Variants in ROBO2 observed in about 807,000 individuals in gnomAD.
The protein encoded by ROBO2 is roundabout homolog 2.
A neutral mutation model predicts 160.8 loss-of-function variants in ROBO2; 53 were observed. The observed-to-expected ratio is 0.33, with a 90% CI of 0.26 to 0.41. The LOEUF is 0.41. Ranked by LOEUF, ROBO2 falls within the 10% of genes least tolerant of loss-of-function variation. The pLI is 1.00. For synonymous variants in ROBO2, 664 were observed against 611.7 expected (o/e 1.09, Z -1.26); for missense variants, 1,577 against 1,722.4 (o/e 0.92, Z 1.49).
chr3:77,246,349 G>GTGTC (rs2089726734), intron 2 of ROBO2, among the ~76,000 whole-genome samples: 1 of 151,798 alleles, frequency 6.6e-6, no homozygotes, highest in Non-Finnish European at 1.5e-5. Flanking sequence ...GTGTGTGTGT[G>GTGTC]TGTGTGTGTG....
At chr3:76,337,283 A>G (rs1418678286) in intron 2 of ROBO2, among the ~76,000 whole-genome samples, 1 of 152,204 alleles carries the variant, frequency 6.6e-6, no homozygotes, top group East Asian at 1.9e-4. Flanking sequence ...AGCTCTGTAT[A>G]CACTAGAAAA....
intron 2 of ROBO2, among the ~76,000 whole-genome samples, chr3:76,808,722 G>C (rs769606796): frequency 4.6e-5 from 7 of 152,074 alleles, no homozygotes; most frequent in Non-Finnish European, 7.4e-5. Context: ...GCAGAGAGCA[G>C]TAAATCAATG....
At chr3:76,805,091 T>C (rs2064570128) in intron 2 of ROBO2, among the ~76,000 whole-genome samples, 2 of 152,184 alleles carry the variant, frequency 1.3e-5, no homozygotes, top group African/African-American at 4.8e-5. Flanking sequence ...TCATAGTGTC[T>C]AAAGCATAGT....
intron 2 of ROBO2, among the ~76,000 whole-genome samples, chr3:77,184,355 A>G (rs2081084074): frequency 6.6e-6 from 1 of 152,076 alleles, no homozygotes; most frequent in Non-Finnish European, 1.5e-5. Flanking sequence ...AGATAGAAAG[A>G]TGAATTAGAA....
At chr3:75,921,858 T>C (rs1947070926) in intron 1 of ROBO2, among the ~76,000 whole-genome samples, 1 of 152,168 alleles carries the variant, frequency 6.6e-6, no homozygotes, top group African/African-American at 2.4e-5. Context: ...ATTCAGCTTC[T>C]ACCCTCAATG....
intron 2 of ROBO2, among the ~76,000 whole-genome samples, chr3:76,512,953 A>G (rs915982850): frequency 6.6e-6 from 1 of 152,184 alleles, no homozygotes; most frequent in Admixed American, 6.5e-5. Flanking sequence ...AAACACCGTC[A>G]TCATGAATAT....
chr3:76,764,158 T>G (rs2108415289), intron 2 of ROBO2, among the ~76,000 whole-genome samples: 1 of 151,822 alleles, frequency 6.6e-6, no homozygotes, highest in South Asian at 2.1e-4. Context: ...ATATAGAATC[T>G]AATCTCCCTG....
chr3:77,608,083 C>A (rs564317109), intron 21 of ROBO2, 129 bp downstream of exon 22: 15 of 812,868 alleles, frequency 1.8e-5, no homozygotes, highest in Middle Eastern at 3.4e-4. Flanking sequence ...TTGCATTTCC[C>A]CCTCTTTCAT....
At chr3:76,432,913 G>T (rs2076502090) in intron 2 of ROBO2, among the ~76,000 whole-genome samples, 1 of 151,804 alleles carries the variant, frequency 6.6e-6, no homozygotes, top group Non-Finnish European at 1.5e-5. Context: ...GGGAGAAAAA[G>T]ATGGGAGGAG....
chr3:77,005,438 G>C (rs2061533512), intron 2 of ROBO2, among the ~76,000 whole-genome samples: 1 of 152,094 alleles, frequency 6.6e-6, no homozygotes, highest in Admixed American at 6.6e-5. Context: ...AAAGTAAAAT[G>C]GGCATATGCT....
At chr3:76,112,720 C>T (rs1327479185) in intron 2 of ROBO2, among the ~76,000 whole-genome samples, 1 of 151,968 alleles carries the variant, frequency 6.6e-6, no homozygotes, top group Non-Finnish European at 1.5e-5. Flanking sequence ...AGATCATTCT[C>T]AAATGATTTT....
At chr3:77,425,061 T>C (rs1369716314) in intron 2 of ROBO2, among the ~76,000 whole-genome samples, 1 of 152,142 alleles carries the variant, frequency 6.6e-6, no homozygotes, top group Non-Finnish European at 1.5e-5. Flanking sequence ...CTCTTACCCA[T>C]GGCTAATATT....
At chr3:77,614,269 CAATAGG>C (rs1281286117) in intron 21 of ROBO2, among the ~76,000 whole-genome samples, 1 of 152,080 alleles carries the variant, frequency 6.6e-6, no homozygotes, top group East Asian at 1.9e-4. Flanking sequence ...TATTTTAAAG[CAATAGG>C]ATCTTTTTTC....
At chr3:76,260,902 T>C (rs910429221) in intron 2 of ROBO2, among the ~76,000 whole-genome samples, 3 of 152,062 alleles carry the variant, frequency 2.0e-5, no homozygotes, top group African/African-American at 7.2e-5. Flanking sequence ...ACTATTTTTT[T>C]CCTGTTTCCA....
chr3:76,477,792 T>G (rs1429289672), intron 2 of ROBO2, among the ~76,000 whole-genome samples: 1 of 152,068 alleles, frequency 6.6e-6, no homozygotes, highest in Admixed American at 6.6e-5. Context: ...CTGTTCCTTA[T>G]GTCCTACTAC....
rs2094272648 is a variant in ROBO2, at chr3:77,595,180, G to A, written c.2722G>A (p.Gly908Arg). The stretch of plus-strand genomic sequence containing the variant: ...AGGAGATGGAGGACTAATGAGCAAT[G>A]GAAGGTATGCTACGGAGATTGTTTC... Residue 908 changes from glycine (G) to arginine (R), a missense_variant, in exon 18 of 26, where the codon GGA becomes AGA. Transcript: ENST00000461745. The A allele has an allele frequency of 6.2e-7, 1 of 1,610,060 alleles. No homozygotes were observed. Among genetic ancestry groups the A allele is most frequent in the Non-Finnish European group, 8.5e-7 (1 of 1,176,718 alleles).
chr3:75,967,631 G>A (rs1462737128), intron 2 of ROBO2, among the ~76,000 whole-genome samples: 1 of 151,524 alleles, frequency 6.6e-6, no homozygotes, highest in Non-Finnish European at 1.5e-5. Context: ...TACCCAAGTA[G>A]AAATAATACT....
At chr3:76,929,460 T>C (rs1577568010) in intron 2 of ROBO2, among the ~76,000 whole-genome samples, 1 of 152,136 alleles carries the variant, frequency 6.6e-6, no homozygotes, top group Non-Finnish European at 1.5e-5. Context: ...ATATCCAGAC[T>C]GCAACACTTC....
intron 2 of ROBO2, among the ~76,000 whole-genome samples, chr3:76,884,527 A>T (rs1462299119): frequency 6.6e-6 from 1 of 152,144 alleles, no homozygotes; most frequent in Non-Finnish European, 1.5e-5. Context: ...GGTATGTCAA[A>T]TCAGAATTCA....
Sources: gnomAD v4.1 joint callset for allele counts (sites outside exome capture counted in the v4.1 genomes callset) on GRCh38, gnomAD v4.1.1 for gene constraint, MANE v1.5 for transcripts, NCBI Gene and HGNC (gene_info 2026-07-23, HGNC 2026-07-21) for gene names.